The following SPATA9 variants were observed in gnomAD, a reference collection of about 807,000 sequenced individuals.
The protein encoded by SPATA9 is spermatogenesis-associated protein 9.
SPATA9 carries 27 observed loss-of-function variants against 25.5 expected under a neutral mutation model. The observed-to-expected ratio is 1.06, with a 90% CI of 0.78 to 1.46. The LOEUF is 1.46. SPATA9 is among the 40% of genes most tolerant of loss of function. The pLI is 0.00. For missense variants in SPATA9, 282 were observed against 297.5 expected (o/e 0.95, Z 0.38); for synonymous variants, 102 against 105.7 (o/e 0.97, Z 0.21).
chr5:95,678,540 T>C (rs945067795), intron 2 of SPATA9, among the ~76,000 whole-genome samples: 1 of 152,208 alleles, frequency 6.6e-6, no homozygotes, highest in Non-Finnish European at 1.5e-5. Context: ...AATCTTTTTT[T>C]GTTCTAGGCC....
chr5:95,685,150 C>A (rs1753707425), upstream of SPATA9, among the ~76,000 whole-genome samples: 1 of 152,134 alleles, frequency 6.6e-6, no homozygotes. Flanking sequence ...AAAAAGGAAA[C>A]AATACTTGAT....
the SPATA9 span, among the ~76,000 whole-genome samples, chr5:95,710,116 A>G: frequency 1.3e-5 from 2 of 152,184 alleles, no homozygotes; most frequent in East Asian, 3.8e-4. Context: ...GCCTGAGCCC[A>G]CGGCACATCT....
chr5:95,678,341 T>C (rs2548121), intron 2 of SPATA9, among the ~76,000 whole-genome samples: 88,626 of 152,066 alleles, frequency 0.58, 26,240 homozygotes, highest in African/African-American at 0.66. Flanking sequence ...TGCGCTATTG[T>C]CCTTCATCCT....
chr5:95,670,895 T>C (rs1273853006), intron 3 of SPATA9: 2 of 985,288 alleles, frequency 2.0e-6, no homozygotes, highest in African/African-American at 3.5e-5. Context: ...GCCTTTGAGA[T>C]TTGAGAGACG....
chr5:95,700,373 C>G (rs1754148205), upstream of SPATA9, among the ~76,000 whole-genome samples: 1 of 152,028 alleles, frequency 6.6e-6, no homozygotes, highest in African/African-American at 2.4e-5. Flanking sequence ...AATCTCAGCT[C>G]ATTGCAACCT....
At position 95,680,640 on chromosome 5, in the gene SPATA9, C is replaced by A. The variant is rs77960048; in HGVS notation, c.150+1888G>T. Among the ~76,000 whole-genome samples the A allele has an allele frequency of 9.5e-3, 1,447 of 152,204 alleles. 22 individuals carry two copies. The highest frequency in any genetic ancestry group is 0.033 in the African/African-American group (1,365 of 41,514). On this transcript the variant is annotated intron_variant, in intron 2 of 4. Coordinates refer to ENST00000274432, the MANE Select transcript of SPATA9 (RefSeq NM_031952.4). ...CAATCTTCTTGAGCAGTGATGATTGCCATTTTGGTTTAAATGTACACTACA... is the reference window on the plus strand; with the variant it reads ...CAATCTTCTTGAGCAGTGATGATTGACATTTTGGTTTAAATGTACACTACA...
intron 3 of SPATA9, among the ~76,000 whole-genome samples, chr5:95,669,505 G>T (rs1486963344): frequency 6.6e-6 from 1 of 152,136 alleles, no homozygotes; most frequent in Non-Finnish European, 1.5e-5. Context: ...TACAGCCCAG[G>T]CATTGTAAAC....
intron 3 of SPATA9, among the ~76,000 whole-genome samples, chr5:95,673,064 T>C (rs1338539966): frequency 6.6e-6 from 1 of 152,218 alleles, no homozygotes; most frequent in African/African-American, 2.4e-5. Context: ...CATGTACTTA[T>C]ATTCCAGGGT....
At chr5:95,698,300 T>C (rs1754088224) in intron 1 of SPATA9, among the ~76,000 whole-genome samples, 1 of 152,146 alleles carries the variant, frequency 6.6e-6, no homozygotes, top group South Asian at 2.1e-4. Context: ...GAGCATGTTA[T>C]GGTCTAGACT....
At chr5:95,716,528 T>C in the SPATA9 span, among the ~76,000 whole-genome samples, 2 of 152,234 alleles carry the variant, frequency 1.3e-5, no homozygotes, top group East Asian at 1.9e-4. Flanking sequence ...ATCTAGAAAG[T>C]AACTAACTTG....
At chr5:95,684,387 T>C (rs139884230), upstream of SPATA9, among the ~76,000 whole-genome samples, 612 of 152,310 alleles carry the variant, frequency 4.0e-3, 7 homozygotes, top group African/African-American at 0.014. Context: ...CATCCCCTAG[T>C]TCTTTTTATC....
At chr5:95,656,297 G>C, downstream of SPATA9, 1 of 1,604,006 alleles carries the variant, frequency 6.2e-7, no homozygotes, top group East Asian at 2.2e-5. Context: ...AAGTAATTAA[G>C]AGTTCTTCCT....
intron 4 of SPATA9, among the ~76,000 whole-genome samples, chr5:95,662,274 C>T (rs757648185): frequency 5.3e-5 from 8 of 151,956 alleles, no homozygotes; most frequent in East Asian, 3.9e-4. Context: ...TAAATCTAAA[C>T]GTGAAAGGTA....
downstream of SPATA9, chr5:95,653,912 C>A (rs1457498040): frequency 1.2e-5 from 7 of 587,638 alleles, no homozygotes; most frequent in East Asian, 2.0e-4. Context: ...TAATAATAAT[C>A]TAGTATTTAT....
chr5:95,656,157 C>A (rs868122292), downstream of SPATA9: 4 of 1,613,874 alleles, frequency 2.5e-6, no homozygotes, highest in Middle Eastern at 1.6e-4. Context: ...ATCAGCAAAA[C>A]CCAAGTGGTG....
the SPATA9 span, among the ~76,000 whole-genome samples, chr5:95,729,202 A>G: frequency 3.9e-5 from 6 of 152,188 alleles, no homozygotes; most frequent in African/African-American, 1.4e-4. Context: ...CTTTCACTTT[A>G]TGGACTTGCC....
intron 4 of SPATA9, among the ~76,000 whole-genome samples, chr5:95,660,107 GA>G (rs1751129179): frequency 6.6e-6 from 1 of 152,064 alleles, no homozygotes; most frequent in Non-Finnish European, 1.5e-5. Flanking sequence ...ACAAACAATA[GA>G]AATTTATTTC....
downstream of SPATA9, chr5:95,656,130 A>G (rs771932603): frequency 8.7e-6 from 14 of 1,613,910 alleles, no homozygotes; most frequent in Admixed American, 2.0e-4. Flanking sequence ...GTACCAGTCT[A>G]TAAACCCTAA....
At chr5:95,702,190 T>TA (rs1311696584), upstream of SPATA9, among the ~76,000 whole-genome samples, 2 of 143,778 alleles carry the variant, frequency 1.4e-5, no homozygotes, top group Non-Finnish European at 3.0e-5. Flanking sequence ...GCCCAGGTGT[T>TA]AAAAAAAAAT....
Sources: allele counts gnomAD v4.1 joint callset (sites outside exome capture counted in the v4.1 genomes callset), GRCh38; gene constraint gnomAD v4.1.1; transcripts MANE v1.5; gene names NCBI Gene and HGNC (gene_info 2026-07-23, HGNC 2026-07-21).